KIAA0319: variants seen among roughly 807,000 people sequenced by gnomAD.
KIAA0319 encodes the protein dyslexia-associated protein KIAA0319.
A neutral mutation model predicts 108.4 loss-of-function variants in KIAA0319; 83 were observed. That is an observed-to-expected ratio of 0.77 (90% CI 0.64 to 0.92). KIAA0319 has a LOEUF of 0.92. KIAA0319 is among the 40% of genes least tolerant of loss of function. The probability of loss-of-function intolerance (pLI) is 0.00; values close to 1 mark genes in which losing one functional copy is unlikely to be tolerated. For synonymous variants in KIAA0319, 484 were observed against 510.4 expected, an observed-to-expected ratio of 0.95 and a Z score of 0.70; for missense variants, 1,195 against 1,322.4, an observed-to-expected ratio of 0.90 and a Z score of 1.49.
In KIAA0319 at chr6:24,599,820, C is replaced by A. The variant is rs1018595557; in HGVS notation, c.55+1229G>T. On this transcript the variant is annotated intron_variant, in intron 2 of 20. Coordinates refer to ENST00000378214, the MANE Select transcript of KIAA0319 (RefSeq NM_014809.4). This position sits in a 1 kb window ranked among gnomAD's most constrained non-coding sequence, Gnocchi z 4.1. ...CACAGCAGCCCCTCCCAGCCTACCC[C>A]CTCCTGTGACTGCCCCAGAGCCTGT... The A allele has an allele frequency of 8.7e-6, 4 of 458,296 alleles. No individual in the cohort carries two copies. Among genetic ancestry groups the A allele is most frequent in the Admixed American group, 5.5e-5 (2 of 36,394 alleles). 28.4% of individuals were successfully genotyped at this position (458,296 alleles called of 1,614,324 possible). A position where few individuals can be genotyped will look rare whatever the true frequency, so the allele number is the denominator to read the frequency against.
chr6:24,575,942 C>T (rs1765428122), intron 10 of KIAA0319, among the ~76,000 whole-genome samples: 1 of 152,028 alleles, frequency 6.6e-6, no homozygotes, highest in Non-Finnish European at 1.5e-5. Flanking sequence ...AAGGTAGATA[C>T]AAACAAGGTC....
At chr6:24,569,518 G>C (rs1313381960) in intron 12 of KIAA0319, among the ~76,000 whole-genome samples, 1 of 152,162 alleles carries the variant, frequency 6.6e-6, no homozygotes, top group Non-Finnish European at 1.5e-5. Context: ...GGTTCTATGA[G>C]ACAGAGCATG....
At chr6:24,617,238 T>C (rs148211750) in intron 1 of KIAA0319, among the ~76,000 whole-genome samples, 3 of 152,180 alleles carry the variant, frequency 2.0e-5, no homozygotes, top group African/African-American at 4.8e-5. Flanking sequence ...TTAAACATTA[T>C]TGAATTACAA....
At chr6:24,617,423 T>G (rs548357568) in intron 1 of KIAA0319, among the ~76,000 whole-genome samples, 138 of 152,300 alleles carry the variant, frequency 9.1e-4, no homozygotes, top group African/African-American at 2.0e-3. Context: ...ATCTTGAGAT[T>G]GCTGGGGAAA....
rs528436069 is a variant in KIAA0319 at position 24,583,148 on chromosome 6, T to C, written c.1093+456A>G. The C allele has an allele frequency of 2.4e-5, 24 of 986,728 alleles. No individual in the cohort carries two copies. The East Asian group carries it at 2.3e-3, about 93-fold the overall frequency. 61.1% of individuals were successfully genotyped at this position (986,728 alleles called of 1,614,324 possible). A position where few individuals can be genotyped will look rare whatever the true frequency, so the allele number is the denominator to read the frequency against. Reference sequence around the variant, plus strand: ...CACTGGACAAGTAGAAGAAAGAGCATTTTGAATAAATTTTTTTGAGCAGCT... The same window carrying C: ...CACTGGACAAGTAGAAGAAAGAGCACTTTGAATAAATTTTTTTGAGCAGCT... On this transcript the variant is annotated intron_variant, in intron 5 of 20. Coordinates refer to ENST00000378214, the MANE Select transcript of KIAA0319 (RefSeq NM_014809.4).
chr6:24,579,775 C>T, intron 8 of KIAA0319, 83 bp downstream of exon 8: 2 of 1,105,750 alleles, frequency 1.8e-6, no homozygotes, highest in Non-Finnish European at 2.6e-6. Context: ...CATAAGTCCT[C>T]CTAGCTTTGA....
chr6:24,562,683 T>C (rs1382528350), intron 16 of KIAA0319, among the ~76,000 whole-genome samples: 2 of 151,974 alleles, frequency 1.3e-5, no homozygotes, highest in Non-Finnish European at 2.9e-5. Flanking sequence ...CTACTAAAAA[T>C]ACAGAAATTA....
At chr6:24,602,709 G>A (rs1012552377) in intron 1 of KIAA0319, among the ~76,000 whole-genome samples, 1 of 152,164 alleles carries the variant, frequency 6.6e-6, no homozygotes, top group African/African-American at 2.4e-5. Flanking sequence ...GCTGAGGCAG[G>A]AGAATGGCGT....
chr6:24,607,347 ACTCC>A (rs1390260294), intron 1 of KIAA0319, among the ~76,000 whole-genome samples: 8 of 151,468 alleles, frequency 5.3e-5, no homozygotes, highest in Non-Finnish European at 1.0e-4. Context: ...CAAAAGCTAG[ACTCC>A]ATCTCAAAAA....
intron 10 of KIAA0319, among the ~76,000 whole-genome samples, chr6:24,573,191 C>G (rs1463958795): frequency 6.6e-6 from 1 of 152,160 alleles, no homozygotes; most frequent in African/African-American, 2.4e-5. Flanking sequence ...GGAGTGTAAA[C>G]TACCATAGGC....
In KIAA0319 at chr6:24,630,404, G is replaced by A. The variant is rs1174956783; in HGVS notation, c.-106+15332C>T. Among the ~76,000 whole-genome samples the A allele has an allele frequency of 2.0e-5, 3 of 150,898 alleles. No homozygotes were observed. In the East Asian group the frequency reaches 5.8e-4, roughly 29 times the overall value. On this transcript the variant is annotated intron_variant, in intron 1 of 20. Coordinates refer to ENST00000378214, the MANE Select transcript of KIAA0319 (RefSeq NM_014809.4). ...TGCGCCTGTAATCCCAGCTACTTGG[G>A]AGGCTGAGGCAGGAGAATTGCTTGA...
intron 3 of KIAA0319, among the ~76,000 whole-genome samples, chr6:24,590,040 G>A (rs1487386284): frequency 1.3e-5 from 2 of 152,122 alleles, no homozygotes; most frequent in African/African-American, 2.4e-5. Context: ...AGGCCCACAG[G>A]GACCATGTGC....
intron 2 of KIAA0319, chr6:24,598,521 G>A: frequency 2.2e-6 from 1 of 455,352 alleles, no homozygotes; most frequent in South Asian, 1.8e-5. Flanking sequence ...TGGAGGCCGA[G>A]TTTGGCAACA....
At chr6:24,543,465 T>A (rs866603548), downstream of KIAA0319, among the ~76,000 whole-genome samples, 142 of 152,268 alleles carry the variant, frequency 9.3e-4, 1 homozygote, top group Middle Eastern at 0.01. Context: ...GATGGCCTCC[T>A]TCTGTGGCCT....
Position 24,600,974 on chromosome 6 carries a change from G to A in KIAA0319, c.55+75C>T, listed in dbSNP as rs893925359. The A allele has an allele frequency of 3.2e-6, 5 of 1,584,192 alleles. No homozygotes were observed. In the African/African-American group the frequency reaches 6.7e-5, roughly 21 times the overall value. On this transcript the variant is annotated intron_variant, in intron 2 of 20. Transcript: ENST00000378214. ...GCAAACCAACAGCGTCTTCACCTCA[G>A]GTTGATCTGAGTTGCTTACACTAGT...
chr6:24,621,211 A>C (rs1316796737), intron 1 of KIAA0319, among the ~76,000 whole-genome samples: 6 of 152,248 alleles, frequency 3.9e-5, no homozygotes, highest in African/African-American at 1.4e-4. Context: ...TCCTGAAGAC[A>C]AAAAGGTATT....
At chr6:24,629,092 G>C (rs932900979) in intron 1 of KIAA0319, among the ~76,000 whole-genome samples, 1 of 152,156 alleles carries the variant, frequency 6.6e-6, no homozygotes, top group Non-Finnish European at 1.5e-5. Flanking sequence ...GAAGTACCTA[G>C]AGCAGACAGT....
At chr6:24,566,567 G>A in intron 14 of KIAA0319, 30 bp downstream of exon 14, 2 of 1,581,176 alleles carry the variant, frequency 1.3e-6, no homozygotes, top group Non-Finnish European at 1.7e-6. Flanking sequence ...ATGATAAGTG[G>A]TCTAGGAGCA....
chr6:24,560,420 A>G (rs1428653396), intron 16 of KIAA0319, among the ~76,000 whole-genome samples: 5 of 152,192 alleles, frequency 3.3e-5, no homozygotes, highest in African/African-American at 9.7e-5. Context: ...TGATATTTCA[A>G]CATGGGTTTG....
Sources: allele counts gnomAD v4.1 joint callset (sites outside exome capture counted in the v4.1 genomes callset), GRCh38; gene constraint gnomAD v4.1.1; non-coding constraint Gnocchi (gnomAD v3.1); transcripts MANE v1.5; gene names NCBI Gene and HGNC (gene_info 2026-07-23, HGNC 2026-07-21).